The following RNF31 variants were observed in gnomAD, a reference collection of about 807,000 sequenced individuals.
RNF31 encodes E3 ubiquitin-protein ligase RNF31.
RNF31 carries 38 observed loss-of-function variants against 133.6 expected under a neutral mutation model. That is an observed-to-expected ratio of 0.28 (90% confidence interval 0.22 to 0.37). RNF31 has a LOEUF of 0.37. Ranked by LOEUF, RNF31 falls within the 10% of genes least tolerant of loss-of-function variation. RNF31 has a pLI of 1.00. For synonymous variants in RNF31, 582 were observed against 552.3 expected, an observed-to-expected ratio of 1.05 and a Z score of -0.75; for missense variants, 1,118 against 1,394.1, an observed-to-expected ratio of 0.80 and a Z score of 3.15.
rs1476107505 is a variant in RNF31, at chr14:24,155,900, A to G, written c.2493+208A>G. On this transcript the variant is annotated intron_variant, in intron 14 of 20. Coordinates refer to ENST00000324103, the MANE Select transcript of RNF31 (RefSeq NM_017999.5). This position sits in a 1 kb window ranked among gnomAD's most constrained non-coding sequence, Gnocchi z 4.9. ...GGAGGGAAAGGAAAGGGGAGGAGGAAGGAAGGAAGGAAAGAAAGTAAGCCA... is the reference window on the plus strand; with the variant it reads ...GGAGGGAAAGGAAAGGGGAGGAGGAGGGAAGGAAGGAAAGAAAGTAAGCCA... Among the ~76,000 whole-genome samples the G allele has an allele frequency of 6.6e-6, 1 of 152,158 alleles. No homozygotes were observed. Among genetic ancestry groups the G allele is most frequent in the Admixed American group, 6.5e-5 (1 of 15,280 alleles).
intron 11 of RNF31, chr14:24,154,948 C>A: frequency 1.7e-6 from 1 of 577,722 alleles, no homozygotes. Context: ...TTGCCTTTAC[C>A]TTAGGTGTCA....
At position 24,151,696 on chromosome 14, in the gene RNF31, A is replaced by G; in HGVS notation, c.1923+26A>G. ...GTGCTGGGAGGAGGCAAGAAGCCCA[A>G]GGGTCCACCTAGAGGAGCAAGAGGG... On this transcript the variant is annotated intron_variant, in intron 10 of 20. Transcript: ENST00000324103. The surrounding 1 kb of genome is among the most constrained non-coding windows in gnomAD (Gnocchi z 5.3). The G allele has an allele frequency of 6.2e-7, 1 of 1,608,464 alleles. No homozygotes were observed. Among genetic ancestry groups the G allele is most frequent in the Non-Finnish European group, 8.5e-7 (1 of 1,179,448 alleles).
intron 18 of RNF31, 120 bp from the exon 19 acceptor site, chr14:24,159,744 G>T: frequency 1.3e-6 from 1 of 741,416 alleles, no homozygotes. Context: ...GGGAAAGCAG[G>T]AGTTGCTGTG....
chr14:24,159,852 C>T lies in RNF31; in HGVS notation c.2900-12C>T. On this transcript the variant is annotated splice_polypyrimidine_tract_variant and intron_variant, in intron 18 of 20. Transcript: ENST00000324103. ...CCTCCCAACAGAGGCTCCCTTCTTC[C>T]CTCACCTTTAGGCGGCTGCCGAGTG... is the stretch of plus-strand genomic sequence containing the variant. 1 of 1,610,858 alleles carries T rather than the reference C, an allele frequency of 6.2e-7. No homozygotes were observed. The highest frequency in any genetic ancestry group is 8.5e-7 in the Non-Finnish European group (1 of 1,177,238).
chr14:24,155,517 G>A lies in RNF31; in HGVS notation c.2403+5G>A, dbSNP rs903231743. 1 of 1,614,218 alleles carries A rather than the reference G, an allele frequency of 6.2e-7. No individual in the cohort carries two copies. The highest frequency in any genetic ancestry group is 1.1e-5 in the South Asian group (1 of 91,090). ...AAGTTCTTGTGGTGTGCCCAGGTAAGTGGCCTGCCCAGGGCAGCTACTGTG... is the reference window on the plus strand; with the variant it reads ...AAGTTCTTGTGGTGTGCCCAGGTAAATGGCCTGCCCAGGGCAGCTACTGTG... On this transcript the variant is annotated splice_donor_5th_base_variant and intron_variant, in intron 13 of 20. Coordinates refer to ENST00000324103, the MANE Select transcript of RNF31 (RefSeq NM_017999.5). The surrounding 1 kb of genome is among the most constrained non-coding windows in gnomAD (Gnocchi z 4.9).
At chr14:24,149,915 C>T in intron 6 of RNF31, 146 bp from the exon 7 acceptor site, 2 of 982,488 alleles carry the variant, frequency 2.0e-6, no homozygotes, top group Non-Finnish European at 3.0e-6. Context: ...GTTGCATAAG[C>T]TATGGGTATA....
In RNF31 at chr14:24,155,440, C is replaced by T. The variant is rs778099376; in HGVS notation, c.2331C>T (p.Ala777=). The change falls in exon 13 of 21, where the codon GCC becomes GCT. Residue 777 remains alanine (A), a synonymous_variant. Coordinates refer to ENST00000324103, the MANE Select transcript of RNF31 (RefSeq NM_017999.5). This position sits in a 1 kb window ranked among gnomAD's most constrained non-coding sequence, Gnocchi z 4.9. Reference sequence around the variant, plus strand: ...TTCGCGAGAGCCTAGAGCCAGATGCCTATGCGTTGTTCCATAAGAAGCTGA... The same window carrying T: ...TTCGCGAGAGCCTAGAGCCAGATGCTTATGCGTTGTTCCATAAGAAGCTGA... ...IQLRESLEPD[A]YALFHKKLTE... The T allele has an allele frequency of 2.3e-5, 37 of 1,614,100 alleles. No individual in the cohort carries two copies. Among genetic ancestry groups the T allele is most frequent in the Non-Finnish European group, 3.1e-5 (36 of 1,180,060 alleles).
chr14:24,156,217 G>C (rs1346576991), intron 14 of RNF31, among the ~76,000 whole-genome samples: 1 of 152,244 alleles, frequency 6.6e-6, no homozygotes, highest in Non-Finnish European at 1.5e-5. Context: ...CAGGTCTGTA[G>C]AGCCCTGGAG....
rs2038264511 is a variant in RNF31, at chr14:24,151,420, C to T, written c.1737+41C>T. 1.9e-6 allele frequency: 3 copies of T among 1,613,170 alleles called. No homozygotes were observed. The South Asian group carries it at 3.3e-5, about 18-fold the overall frequency. The stretch of plus-strand genomic sequence containing the variant: ...GATATGGGATAGGGTCGAGAGTCTG[C>T]ATCTCTCACACTCTCCCTTGCTTGC... On this transcript the variant is annotated intron_variant, in intron 9 of 20. Transcript: ENST00000324103. This position sits in a 1 kb window ranked among gnomAD's most constrained non-coding sequence, Gnocchi z 5.3.
Position 24,147,725 on chromosome 14 carries a change from C to T in RNF31, c.27C>T (p.Ala9=), listed in dbSNP as rs1447554109. The T allele has an allele frequency of 1.9e-6, 3 of 1,545,438 alleles. No individual in the cohort carries two copies. The highest frequency in any genetic ancestry group is 1.4e-5 in the African/African-American group (1 of 73,394). The change falls in exon 1 of 21, where the codon GCC becomes GCT. Residue 9 remains alanine (A), a synonymous_variant. Coordinates refer to ENST00000324103, the MANE Select transcript of RNF31 (RefSeq NM_017999.5). ...TGCCGGGGGAGGAAGAGGAGCGGGC[C>T]TTCCTGGTGGCCCGCGAGGAGCTGG... MPGEEEER[A]FLVAREELAS... is the part of the protein sequence containing the mutation.
At position 24,148,653 on chromosome 14, in the gene RNF31, A is replaced by G. The variant is rs768215344; in HGVS notation, c.507A>G (p.Pro169=). 9.3e-6 allele frequency: 15 copies of G among 1,614,076 alleles called. No individual in the cohort carries two copies. In the Admixed American group the frequency reaches 2.5e-4, roughly 27 times the overall value. Reference sequence around the variant, plus strand: ...CTGTATTATTGCAGAATACTCATCCAAGACAGCAGGCACTGGAGCAGCTGT... The same window carrying G: ...CTGTATTATTGCAGAATACTCATCCGAGACAGCAGGCACTGGAGCAGCTGT... The part of the protein sequence containing the change: ...ELSLLLQNTH[P]RQQALEQLLE... The change falls in exon 4 of 21, where the codon CCA becomes CCG. Residue 169 remains proline, a synonymous_variant. Coordinates refer to ENST00000324103, the MANE Select transcript of RNF31 (RefSeq NM_017999.5).
chr14:24,155,174 C>G lies in RNF31; in HGVS notation c.2148C>G (p.Ser716=). The G allele has an allele frequency of 1.2e-6, 2 of 1,614,140 alleles. No individual in the cohort carries two copies. The highest frequency in any genetic ancestry group is 8.5e-7 in the Non-Finnish European group (1 of 1,180,014). The change falls in exon 12 of 21, where the codon TCC becomes TCG. Residue 716 remains serine, a synonymous_variant. Transcript: ENST00000324103. This position sits in a 1 kb window ranked among gnomAD's most constrained non-coding sequence, Gnocchi z 4.9. The part of the protein sequence containing the change: ...LPHNRMQALT[S]CECTICPDCF... ...CCCTCCAGATGCAGGCCCTGACTTC[C>G]TGTGAGTGCACCATCTGTCCTGACT...
At position 24,160,581 on chromosome 14, in the gene RNF31, C is replaced by G; in HGVS notation, c.*8C>G. ...CCCCGCAGGCGGAAGTAGCTGAGGG[C>G]AAGGGTCCCGATGAGGGTCCCATGG... On this transcript the variant is annotated 3_prime_UTR_variant, in exon 21 of 21. Coordinates refer to ENST00000324103, the MANE Select transcript of RNF31 (RefSeq NM_017999.5). This position sits in a 1 kb window ranked among gnomAD's most constrained non-coding sequence, Gnocchi z 4.0. The G allele has an allele frequency of 6.6e-7, 1 of 1,524,034 alleles. No individual in the cohort carries two copies. 94.4% of individuals were successfully genotyped at this position (1,524,034 alleles called of 1,614,324 possible).
At chr14:24,158,451 T>C (rs1170970094) in intron 18 of RNF31, among the ~76,000 whole-genome samples, 1 of 152,246 alleles carries the variant, frequency 6.6e-6, no homozygotes, top group African/African-American at 2.4e-5. Flanking sequence ...TCTTCTCCCA[T>C]TCCCAAATGA....
intron 11 of RNF31, among the ~76,000 whole-genome samples, chr14:24,153,241 T>TA (rs2038294923): frequency 6.6e-6 from 1 of 151,764 alleles, no homozygotes; most frequent in Non-Finnish European, 1.5e-5. Context: ...AGCCAGGAGT[T>TA]AGAGACCAGC....
In RNF31 at chr14:24,155,641, G is replaced by A; in HGVS notation, c.2442G>A (p.Glu814=). 1 of 1,614,210 alleles carries A rather than the reference G, an allele frequency of 6.2e-7. No homozygotes were observed. The highest frequency in any genetic ancestry group is 8.5e-7 in the Non-Finnish European group (1 of 1,180,044). Residue 814 remains glutamate, a synonymous_variant, in exon 14 of 21, where the codon GAG becomes GAA. Transcript: ENST00000324103. The surrounding 1 kb of genome is among the most constrained non-coding windows in gnomAD (Gnocchi z 4.9). ...FGFIYEREQL[E]ATCPQCHQTF... ...TCATATATGAGCGTGAGCAGCTGGA[G>A]GCAACTTGTCCCCAGTGTCACCAGA... is the stretch of plus-strand genomic sequence containing the variant.
chr14:24,152,123 AG>A lies in RNF31; in HGVS notation c.2130+136del, dbSNP rs1566614458. On this transcript the variant is annotated intron_variant, in intron 11 of 20. Transcript: ENST00000324103. ...CCATATACCCCTGAAGGCTCCTGGG[AG>A]GGGGAAGTCAGGAACAGGCTTATCT... 1.3e-5 allele frequency: 11 copies of A among 872,922 alleles called. No individual in the cohort carries two copies. The South Asian group carries it at 1.8e-4, about 14-fold the overall frequency. The allele number at this position is 872,922 out of a possible 1,614,324, so 54.1% of individuals were successfully genotyped here. A position where few individuals can be genotyped will look rare whatever the true frequency, so the allele number is the denominator to read the frequency against.
At position 24,147,798 on chromosome 14, in the gene RNF31, C is replaced by T. The variant is rs746286639; in HGVS notation, c.100C>T (p.Leu34Phe). The change falls in exon 1 of 21, where the codon CTC becomes TTC. Residue 34 changes from leucine (L) to phenylalanine (F), a missense_variant. Physicochemically the swap from Leu to Phe is conservative, Grantham distance 22 (BLOSUM62 0). Coordinates refer to ENST00000324103, the MANE Select transcript of RNF31 (RefSeq NM_017999.5). ...CGGGCAGGCGTTTTCCCTGGAGCAG[C>T]TCCGGCCGCTACTAGCCAGCTCTCT... ...DSGQAFSLEQ[L>F]RPLLASSLPL... 12 of 1,595,286 alleles carry T rather than the reference C, an allele frequency of 7.5e-6. No homozygotes were observed. In the Admixed American group the frequency reaches 2.1e-4, roughly 28 times the overall value.
At chr14:24,149,919 G>T in intron 6 of RNF31, 142 bp from the exon 7 acceptor site, 2 of 999,734 alleles carry the variant, frequency 2.0e-6, no homozygotes, top group East Asian at 2.5e-5. Context: ...CATAAGCTAT[G>T]GGTATAGGAG....
Sources: allele counts gnomAD v4.1 joint callset (sites outside exome capture counted in the v4.1 genomes callset), GRCh38; gene constraint gnomAD v4.1.1; non-coding constraint Gnocchi (gnomAD v3.1); transcripts MANE v1.5; gene names NCBI Gene and HGNC (gene_info 2026-07-23, HGNC 2026-07-21).